The following CAMTA1 variants were observed in gnomAD, a reference collection of about 807,000 sequenced individuals.
CAMTA1 encodes calmodulin binding transcription activator 1.
Under a neutral mutation model 170.9 loss-of-function variants are expected in CAMTA1, and 27 were observed. The ratio of observed to expected loss-of-function variants is 0.16; its 90% CI spans 0.12 to 0.22. The LOEUF (loss-of-function observed/expected upper bound fraction) is 0.22, where lower values mean the gene tolerates loss of function less well. CAMTA1 is among the 10% of genes least tolerant of loss of function. The probability of loss-of-function intolerance (pLI) is 1.00; values close to 1 mark genes in which losing one functional copy is unlikely to be tolerated. For missense variants in CAMTA1, 1,619 were observed against 2,217.2 expected, an observed-to-expected ratio of 0.73 and a Z score of 5.42; for synonymous variants, 833 against 891.5, an observed-to-expected ratio of 0.93 and a Z score of 1.17.
intron 3 of CAMTA1, among the ~76,000 whole-genome samples, chr1:7,024,488 A>G (rs368716863): frequency 2.6e-5 from 4 of 152,244 alleles, no homozygotes; most frequent in Non-Finnish European, 4.4e-5. Context: ...CTAAAGGAAT[A>G]AATAGGGTAA....
In CAMTA1 at chr1:7,065,695, A is replaced by G. The variant is rs1708866535; in HGVS notation, c.235-25609A>G. 6.6e-6 allele frequency among the ~76,000 whole-genome samples: 1 copy of G among 152,100 alleles called. No individual in the cohort carries two copies. The highest frequency in any genetic ancestry group is 6.5e-5 in the Admixed American group (1 of 15,272). On this transcript the variant is annotated intron_variant, in intron 3 of 22. Coordinates refer to ENST00000303635, the MANE Select transcript of CAMTA1 (RefSeq NM_015215.4). This position sits in a 1 kb window ranked among gnomAD's most constrained non-coding sequence, Gnocchi z 5.2. ...TCAGCTGATTGGAAGAATCCAGAAA[A>G]GGGAGATGGGTCCGTGGATAGGTGG... is the stretch of plus-strand genomic sequence containing the variant.
At chr1:7,121,049 C>T (rs764783064) in intron 4 of CAMTA1, among the ~76,000 whole-genome samples, 6 of 152,222 alleles carry the variant, frequency 3.9e-5, no homozygotes, top group Non-Finnish European at 5.9e-5. Flanking sequence ...AGCCTCTGTA[C>T]TGCCTCCTAG....
At chr1:7,730,119 C>G (rs1447731889) in intron 11 of CAMTA1, among the ~76,000 whole-genome samples, 1 of 152,224 alleles carries the variant, frequency 6.6e-6, no homozygotes, top group African/African-American at 2.4e-5. Context: ...TGAGCACTTA[C>G]ATAGATTAAC....
At chr1:7,428,657 A>AC (rs1312212470) in intron 5 of CAMTA1, among the ~76,000 whole-genome samples, 1 of 150,730 alleles carries the variant, frequency 6.6e-6, no homozygotes, top group African/African-American at 2.4e-5. Context: ...TCTTCCTCTG[A>AC]CCCCCCACAC....
intron 3 of CAMTA1, among the ~76,000 whole-genome samples, chr1:6,862,476 A>C (rs984106482): frequency 1.3e-5 from 2 of 152,230 alleles, no homozygotes; most frequent in Non-Finnish European, 2.9e-5. Context: ...TGCCATGAAC[A>C]TAGGTGTAAA....
chr1:7,714,465 G>A (rs1289136739), intron 11 of CAMTA1, among the ~76,000 whole-genome samples: 1 of 152,144 alleles, frequency 6.6e-6, no homozygotes, highest in Non-Finnish European at 1.5e-5. Context: ...GTAATAAACA[G>A]TCACTTGAAA....
chr1:7,757,218 A>G (rs1276844524), intron 22 of CAMTA1, among the ~76,000 whole-genome samples: 2 of 152,224 alleles, frequency 1.3e-5, no homozygotes, highest in Non-Finnish European at 2.9e-5. Context: ...TTTTTCTGAA[A>G]GGCCAGATAG....
chr1:7,670,347 C>T (rs1370884468), intron 9 of CAMTA1, among the ~76,000 whole-genome samples: 1 of 152,174 alleles, frequency 6.6e-6, no homozygotes, highest in Non-Finnish European at 1.5e-5. Flanking sequence ...GTTTCTTCAT[C>T]GGGCTCTTCA....
At chr1:7,546,150 G>A (rs1354078057) in intron 6 of CAMTA1, among the ~76,000 whole-genome samples, 2 of 151,962 alleles carry the variant, frequency 1.3e-5, no homozygotes, top group Non-Finnish European at 2.9e-5. Context: ...TAGAGACAGG[G>A]TTTCACCGTG....
chr1:7,200,496 G>GAA, intron 4 of CAMTA1, among the ~76,000 whole-genome samples: 1 of 152,212 alleles, frequency 6.6e-6, no homozygotes, highest in Non-Finnish European at 1.5e-5. Flanking sequence ...CTGGGATCAT[G>GAA]GGGCGCATTT....
chr1:6,926,470 TTCTTTCTTTCTTTCTTTC>T (rs1162464325), intron 3 of CAMTA1, among the ~76,000 whole-genome samples: 7 of 145,336 alleles, frequency 4.8e-5, no homozygotes, highest in African/African-American at 1.1e-4. Flanking sequence ...CTTTCTTTCT[TTCTTTCTTTCTTTCTTTC>T]TCTCTCTCTT....
intron 4 of CAMTA1, among the ~76,000 whole-genome samples, chr1:7,204,613 G>A (rs1252045578): frequency 2.6e-5 from 4 of 151,948 alleles, no homozygotes; most frequent in Non-Finnish European, 5.9e-5. Context: ...GTACCCTTAA[G>A]AAGAATGTGT....
At chr1:6,935,573 T>G (rs2149393623) in intron 3 of CAMTA1, among the ~76,000 whole-genome samples, 1 of 152,322 alleles carries the variant, frequency 6.6e-6, no homozygotes, top group Admixed American at 6.5e-5. Flanking sequence ...GGCGATCTCC[T>G]CCAGACCCAG....
chr1:7,411,196 T>C (rs1422428081), intron 5 of CAMTA1, among the ~76,000 whole-genome samples: 1 of 152,110 alleles, frequency 6.6e-6, no homozygotes. Flanking sequence ...ATCACTGTGG[T>C]TTGGAGGGGC....
At chr1:7,688,162 C>A (rs2096275021) in intron 11 of CAMTA1, among the ~76,000 whole-genome samples, 1 of 147,966 alleles carries the variant, frequency 6.8e-6, no homozygotes. Flanking sequence ...GTGTGCACCA[C>A]CACACCCAGC....
intron 3 of CAMTA1, among the ~76,000 whole-genome samples, chr1:7,017,249 C>G (rs1700696246): frequency 6.6e-6 from 1 of 152,204 alleles, no homozygotes; most frequent in African/African-American, 2.4e-5. Context: ...GCTGTGTGAT[C>G]TTGCTTAAGT....
chr1:7,009,020 C>T (rs1458983832), intron 3 of CAMTA1, among the ~76,000 whole-genome samples: 3 of 152,216 alleles, frequency 2.0e-5, no homozygotes, highest in South Asian at 2.1e-4. Flanking sequence ...AGCATCTTCC[C>T]GCCCCTCACG....
chr1:6,929,310 G>T (rs530468955), intron 3 of CAMTA1, among the ~76,000 whole-genome samples: 1 of 152,030 alleles, frequency 6.6e-6, no homozygotes, highest in Admixed American at 6.5e-5. Flanking sequence ...TTCCCAAGTA[G>T]TTGGGACTAT....
intron 3 of CAMTA1, among the ~76,000 whole-genome samples, chr1:6,940,576 C>A (rs1686269008): frequency 6.6e-6 from 1 of 152,202 alleles, no homozygotes; most frequent in Admixed American, 6.5e-5. Flanking sequence ...CTAAAATGAA[C>A]CATCACAGAG....
Sources: allele counts gnomAD v4.1 joint callset (sites outside exome capture counted in the v4.1 genomes callset), GRCh38; gene constraint gnomAD v4.1.1; non-coding constraint Gnocchi (gnomAD v3.1); transcripts MANE v1.5; gene names NCBI Gene and HGNC (gene_info 2026-07-23, HGNC 2026-07-21).